Variants in ATRNL1 observed in about 807,000 individuals in gnomAD.
ATRNL1 encodes attractin like 1.
A neutral mutation model predicts 182.7 loss-of-function variants in ATRNL1; 95 were observed. The observed-to-expected ratio is 0.52, with a 90% CI of 0.44 to 0.62. The LOEUF (loss-of-function observed/expected upper bound fraction) is 0.62, where lower values mean the gene tolerates loss of function less well. Ranked by LOEUF, ATRNL1 falls within the 20% of genes least tolerant of loss-of-function variation. The probability of loss-of-function intolerance (pLI) is 0.00; values close to 1 mark genes in which losing one functional copy is unlikely to be tolerated. For missense variants in ATRNL1, 1,471 were observed against 1,679.5 expected (o/e 0.88, Z 2.17); for synonymous variants, 576 against 568.3 (o/e 1.01, Z -0.19).
intron 27 of ATRNL1, among the ~76,000 whole-genome samples, chr10:115,840,322 A>G (rs1393921895): frequency 6.6e-6 from 1 of 152,180 alleles, no homozygotes. Context: ...GATTTTAAAA[A>G]TATGGTCTAT....
intron 14 of ATRNL1, among the ~76,000 whole-genome samples, chr10:115,282,146 T>C (rs1026126796): frequency 6.8e-6 from 1 of 146,484 alleles, no homozygotes; most frequent in Non-Finnish European, 1.5e-5. Flanking sequence ...ACCATAAATT[T>C]ATATATTTAT....
chr10:115,231,983 T>C (rs553202044), intron 9 of ATRNL1, among the ~76,000 whole-genome samples: 2 of 152,282 alleles, frequency 1.3e-5, no homozygotes, highest in South Asian at 2.1e-4. Context: ...AGACCCTTAA[T>C]GTGCGAACGC....
intron 5 of ATRNL1, among the ~76,000 whole-genome samples, chr10:115,142,591 G>A (rs1845795880): frequency 6.6e-6 from 1 of 152,182 alleles, no homozygotes; most frequent in South Asian, 2.1e-4. Context: ...AAATGAGGGA[G>A]CCATTGAAGG....
At chr10:115,189,790 A>G (rs1464714477) in intron 8 of ATRNL1, among the ~76,000 whole-genome samples, 1 of 152,132 alleles carries the variant, frequency 6.6e-6, no homozygotes, top group Admixed American at 6.6e-5. Flanking sequence ...TACAGTGCTT[A>G]TAAATTCTAC....
chr10:115,148,744 G>GTTTTTTT (rs71010009), intron 5 of ATRNL1, among the ~76,000 whole-genome samples: 39 of 116,748 alleles, frequency 3.3e-4, no homozygotes, highest in Non-Finnish European at 5.2e-4. Context: ...GGCCAGATGC[G>GTTTTTTT]TTTTTTTTTT....
chr10:115,567,095 C>T (rs1478066071), intron 26 of ATRNL1, among the ~76,000 whole-genome samples: 1 of 152,108 alleles, frequency 6.6e-6, no homozygotes, highest in African/African-American at 2.4e-5. Flanking sequence ...AGCAAGGACC[C>T]AATACTGGGT....
At chr10:115,926,063 A>T (rs1953222012) in intron 28 of ATRNL1, among the ~76,000 whole-genome samples, 1 of 152,192 alleles carries the variant, frequency 6.6e-6, no homozygotes, top group African/African-American at 2.4e-5. Context: ...ACAGTCTCTC[A>T]GACCATAGTG....
At chr10:115,495,640 C>G (rs1554977983) in intron 24 of ATRNL1, among the ~76,000 whole-genome samples, 1 of 150,990 alleles carries the variant, frequency 6.6e-6, no homozygotes, top group African/African-American at 2.4e-5. Flanking sequence ...GAGTGATCTT[C>G]TAAGTATTGA....
At chr10:115,419,487 C>T (rs1043075464) in intron 20 of ATRNL1, among the ~76,000 whole-genome samples, 4 of 152,020 alleles carry the variant, frequency 2.6e-5, no homozygotes, top group Admixed American at 6.6e-5. Flanking sequence ...AGAGGCTGAA[C>T]GGATAGAAAA....
chr10:115,418,698 G>C (rs782097960), intron 20 of ATRNL1, among the ~76,000 whole-genome samples: 11 of 152,016 alleles, frequency 7.2e-5, no homozygotes, highest in Non-Finnish European at 1.2e-4. Context: ...AAAGAAGTGA[G>C]AAAAAAGAAG....
intron 26 of ATRNL1, among the ~76,000 whole-genome samples, chr10:115,692,498 C>T (rs1256541393): frequency 1.3e-5 from 2 of 151,946 alleles, no homozygotes; most frequent in South Asian, 2.1e-4. Flanking sequence ...TAAGAGCCTA[C>T]GGGCCCTTAA....
chr10:115,160,797 A>G (rs900598513), intron 6 of ATRNL1, among the ~76,000 whole-genome samples: 6 of 151,916 alleles, frequency 3.9e-5, no homozygotes, highest in Non-Finnish European at 7.4e-5. Context: ...TTTAGTAACA[A>G]TACAAAAGGA....
At chr10:115,188,533 CA>C (rs1848044812) in intron 8 of ATRNL1, among the ~76,000 whole-genome samples, 1 of 151,998 alleles carries the variant, frequency 6.6e-6, no homozygotes, top group Non-Finnish European at 1.5e-5. Flanking sequence ...ATGTGAGTCT[CA>C]AGGTGAGTAT....
intron 6 of ATRNL1, 47 bp downstream of exon 6, chr10:115,160,261 T>A (rs1554882972): frequency 6.6e-7 from 1 of 1,522,320 alleles, no homozygotes. Flanking sequence ...GCTGGATTTT[T>A]ATCCAAAATG....
intron 28 of ATRNL1, among the ~76,000 whole-genome samples, chr10:115,895,636 T>G (rs1289258664): frequency 6.6e-6 from 1 of 152,206 alleles, no homozygotes; most frequent in Non-Finnish European, 1.5e-5. Context: ...CGGACACTGC[T>G]GAATTCCAGG....
At chr10:115,580,294 G>A (rs1213475711) in intron 26 of ATRNL1, among the ~76,000 whole-genome samples, 4 of 152,044 alleles carry the variant, frequency 2.6e-5, no homozygotes, top group African/African-American at 4.8e-5. Flanking sequence ...ATGTCTAGTG[G>A]TGATAAACTT....
chr10:115,146,898 G>A (rs1468367615), intron 5 of ATRNL1, among the ~76,000 whole-genome samples: 1 of 151,072 alleles, frequency 6.6e-6, no homozygotes. Flanking sequence ...GGTTGATTCC[G>A]TATCTTTGCT....
At chr10:115,107,952 A>G (rs1844089778) in intron 1 of ATRNL1, among the ~76,000 whole-genome samples, 1 of 152,054 alleles carries the variant, frequency 6.6e-6, no homozygotes, top group East Asian at 1.9e-4. Context: ...TCAGGATCCT[A>G]GATGGGAGGG....
chr10:115,445,682 C>T (rs1020152338), intron 21 of ATRNL1, among the ~76,000 whole-genome samples: 1 of 151,974 alleles, frequency 6.6e-6, no homozygotes, highest in South Asian at 2.1e-4. Flanking sequence ...GTATATTATA[C>T]ACAGTTGTGC....
Sources: allele counts gnomAD v4.1 joint callset (sites outside exome capture counted in the v4.1 genomes callset), GRCh38; gene constraint gnomAD v4.1.1; transcripts MANE v1.5; gene names NCBI Gene and HGNC (gene_info 2026-07-23, HGNC 2026-07-21).